ZC3H4: variants seen among roughly 807,000 people sequenced by gnomAD.
ZC3H4 encodes zinc finger CCCH domain-containing protein 4.
In ZC3H4, 13 loss-of-function variants were observed where a neutral mutation model predicts 108.3. The observed-to-expected ratio is 0.12, with a 90% CI of 0.08 to 0.19. The LOEUF (loss-of-function observed/expected upper bound fraction) is 0.19, where lower values mean the gene tolerates loss of function less well. Among genes scored for constraint, ZC3H4 ranks in the 10% least tolerant of loss-of-function variants. The pLI, the probability that ZC3H4 is intolerant of heterozygous loss-of-function variation, is 1.00. For synonymous variants in ZC3H4, 917 were observed against 749.6 expected (o/e 1.22, Z -3.65); for missense variants, 1,734 against 1,838.8 (o/e 0.94, Z 1.04).
chr19:47,069,450 A>T, intron 13 of ZC3H4, 107 bp from the exon 14 acceptor site: 1 of 1,409,546 alleles, frequency 7.1e-7, no homozygotes, highest in South Asian at 1.4e-5. Context: ...ATGGAGAAGG[A>T]CGCACAGCCT....
chr19:47,080,744 A>C (rs985276316), intron 11 of ZC3H4, among the ~76,000 whole-genome samples: 5 of 151,554 alleles, frequency 3.3e-5, no homozygotes, highest in Admixed American at 6.6e-5. Context: ...AGCTCACTGC[A>C]ACCTCTGCCT....
intron 2 of ZC3H4, among the ~76,000 whole-genome samples, chr19:47,101,907 G>A (rs967564639): frequency 4.6e-5 from 7 of 151,412 alleles, no homozygotes; most frequent in Non-Finnish European, 7.4e-5. Context: ...GGTGGCACAC[G>A]CCTGTAGTCC....
In ZC3H4 at chr19:47,066,468, G is replaced by A. The variant is rs1362010285; in HGVS notation, c.3800C>T (p.Ser1267Leu). ...ACTGTTCCCAGCAAATGGGCTTCCT[G>A]AGCCCGTCTTGGGTGTCTGCTTCAC... ...GTVKQTPKTGSGSPFAGNSPA... is the reference protein window; with the variant it reads ...GTVKQTPKTGLGSPFAGNSPA... Residue 1267 changes from serine (S) to leucine (L), a missense_variant, in exon 15 of 15, where the codon TCA becomes TTA. Ser to Leu is a moderately radical substitution (Grantham distance 145). Around this residue, in one of 9 missense-constraint regions of ZC3H4, gnomAD observed 518 missense variants for 499.6 expected, o/e 1.04. Transcript: ENST00000253048. 1.3e-6 allele frequency: 2 copies of A among 1,582,056 alleles called. No homozygotes were observed. The highest frequency in any genetic ancestry group is 2.3e-5 in the East Asian group (1 of 44,204).
At chr19:47,073,536 C>T (rs1001011130) in intron 11 of ZC3H4, among the ~76,000 whole-genome samples, 7 of 152,334 alleles carry the variant, frequency 4.6e-5, no homozygotes, top group African/African-American at 1.7e-4. Flanking sequence ...CACACTACTG[C>T]ACTCCAGCCT....
rs551956715 is a variant in ZC3H4 at position 47,074,744 on chromosome 19, G to A, written c.1441-2031C>T. Reference sequence around the variant, plus strand: ...GCCTAGTGAAAACCCTGGGCGCTGAGCAAGTCTCCTCGCAGACAGCATGCC... The same window carrying A: ...GCCTAGTGAAAACCCTGGGCGCTGAACAAGTCTCCTCGCAGACAGCATGCC... On this transcript the variant is annotated intron_variant, in intron 11 of 14. Transcript: ENST00000253048. Among the ~76,000 whole-genome samples, 19 of 152,358 alleles carry A rather than the reference G, an allele frequency of 1.2e-4. 4 individuals carry two copies. In the South Asian group the frequency reaches 3.9e-3, roughly 32 times the overall value.
At chr19:47,093,879 A>T (rs1245196370) in intron 4 of ZC3H4, 91 bp downstream of exon 4, 2 of 1,153,976 alleles carry the variant, frequency 1.7e-6, no homozygotes, top group Non-Finnish European at 2.5e-6. Context: ...AAACTCACAA[A>T]AAATGCCCAG....
In ZC3H4 at chr19:47,071,845, G is replaced by A; in HGVS notation, c.2079C>T (p.Asn693=). The A allele has an allele frequency of 9.9e-6, 16 of 1,613,796 alleles. No homozygotes were observed. Among genetic ancestry groups the A allele is most frequent in the Non-Finnish European group, 1.4e-5 (16 of 1,179,942 alleles). Residue 693 remains asparagine, a synonymous_variant, in exon 13 of 15, where the codon AAC becomes AAT. Transcript: ENST00000253048. ...GCTGCTGGTAGAAGTTTTCATAGAAGTTCTGGGCTGGCGGGATAGGGGGCA... is the reference window on the plus strand; with the variant it reads ...GCTGCTGGTAGAAGTTTTCATAGAAATTCTGGGCTGGCGGGATAGGGGGCA... ...GMMPPIPPAQ[N]FYENFYQQQE...
At position 47,071,167 on chromosome 19, in the gene ZC3H4, T is replaced by C. The variant is rs546079077; in HGVS notation, c.2146+611A>G. On this transcript the variant is annotated intron_variant, in intron 13 of 14. Transcript: ENST00000253048. The stretch of plus-strand genomic sequence containing the variant: ...GCCAATGCTGAAAGGAGCCAACTCC[T>C]CTATCTACACGCTTGCCACCTGCTT... Among the ~76,000 whole-genome samples the C allele has an allele frequency of 2.0e-5, 3 of 147,522 alleles. No homozygotes were observed. The South Asian group carries it at 6.5e-4, about 32-fold the overall frequency.
At chr19:47,093,935 G>T (rs200531590) in intron 4 of ZC3H4, 35 bp downstream of exon 4, 8 of 1,571,040 alleles carry the variant, frequency 5.1e-6, no homozygotes, top group South Asian at 3.4e-5. Flanking sequence ...ACTCCTCCCG[G>T]CCCCAGAGCT....
At chr19:47,082,097 G>T in intron 10 of ZC3H4, 87 bp downstream of exon 10, 2 of 1,124,612 alleles carry the variant, frequency 1.8e-6, no homozygotes, top group African/African-American at 1.5e-5. Context: ...AAAGCACAGA[G>T]AAGGAAGATT....
chr19:47,092,080 CATGGT>C (rs1468034313), intron 4 of ZC3H4, among the ~76,000 whole-genome samples: 1 of 151,490 alleles, frequency 6.6e-6, no homozygotes, highest in Admixed American at 6.6e-5. Context: ...CGTTATGGCC[CATGGT>C]TCCAGCTACT....
intron 11 of ZC3H4, among the ~76,000 whole-genome samples, chr19:47,073,810 G>A (rs2057371524): frequency 6.6e-6 from 1 of 152,200 alleles, no homozygotes; most frequent in African/African-American, 2.4e-5. Flanking sequence ...TGCGCTGTGT[G>A]CGATGGGCGC....
In ZC3H4 at chr19:47,085,385, G is replaced by A. The variant is rs556258917; in HGVS notation, c.900C>T (p.Asp300=). The A allele has an allele frequency of 2.9e-5, 47 of 1,600,268 alleles. No homozygotes were observed. In the South Asian group the frequency reaches 4.1e-4, roughly 14 times the overall value. The change falls in exon 7 of 15, where the codon GAC becomes GAT. Residue 300 remains aspartate (D), a synonymous_variant. Coordinates refer to ENST00000253048, the MANE Select transcript of ZC3H4 (RefSeq NM_015168.2). ...CCTTGGAGTACTCGTCATAGTCGTC[G>A]TCTCCCATTGGCTCCTCACTCTCTC... ...DYGESEEPMG[D]DDYDEYSKEL...
rs771194152 is a variant in ZC3H4, at chr19:47,085,126, C to A, written c.1037G>T (p.Gly346Val). 1.6e-5 allele frequency: 26 copies of A among 1,614,106 alleles called. No homozygotes were observed. In the African/African-American group the frequency reaches 2.5e-4, roughly 16 times the overall value. Residue 346 changes from glycine (G) to valine (V), a missense_variant, in exon 8 of 15, where the codon GGT becomes GTT. Gly to Val is a moderately radical substitution (Grantham distance 109, BLOSUM62 -3). Transcript: ENST00000253048. ...GKGMGRGRGR[G>V]GSRGGMNKGG... The stretch of plus-strand genomic sequence containing the variant: ...CTTGTTCATCCCTCCTCGGCTGCCA[C>A]CTCGGCCTCGGCCCCGACCCATTCC...
In ZC3H4 at chr19:47,072,471, C is replaced by A. The variant is rs1386716308; in HGVS notation, c.1683G>T (p.Val561=). ...PPGPPQMPMP[V]HEPLSPQQLQ... ...GCTGCTGCGGGGACAGTGGCTCATG[C>A]ACCGGCATGGGCATCTGAGGGGGCC... The change falls in exon 12 of 15, where the codon GTG becomes GTT. Residue 561 remains valine (V), a synonymous_variant. Transcript: ENST00000253048. This position sits in a 1 kb window ranked among gnomAD's most constrained non-coding sequence, Gnocchi z 5.6. 1.3e-6 allele frequency: 2 copies of A among 1,578,310 alleles called. No homozygotes were observed. Among genetic ancestry groups the A allele is most frequent in the Admixed American group, 1.7e-5 (1 of 57,284 alleles).
In ZC3H4 at chr19:47,067,228, G is replaced by A. The variant is rs768082105; in HGVS notation, c.3040C>T (p.Arg1014Cys). ...SMPTLDPRLH[R>C]AATAGPPNAR... Reference sequence around the variant, plus strand: ...TTGGGGGGCCCTGCCGTGGCAGCGCGGTGCAGCCGGGGGTCCAGGGTGGGC... The same window carrying A: ...TTGGGGGGCCCTGCCGTGGCAGCGCAGTGCAGCCGGGGGTCCAGGGTGGGC... The change falls in exon 15 of 15, where the codon CGC becomes TGC. Residue 1014 changes from arginine to cysteine, a missense_variant. Physicochemically the swap from Arg to Cys is radical, Grantham distance 180. Transcript: ENST00000253048. The surrounding 1 kb of genome is among the most constrained non-coding windows in gnomAD (Gnocchi z 6.4). 127 of 1,606,310 alleles carry A rather than the reference G, an allele frequency of 7.9e-5. No individual in the cohort carries two copies. The highest frequency in any genetic ancestry group is 9.0e-5 in the Non-Finnish European group (106 of 1,176,638).
Position 47,089,950 on chromosome 19 carries a change from G to C in ZC3H4, c.715+17C>G, listed in dbSNP as rs753882691. On this transcript the variant is annotated intron_variant, in intron 5 of 14. Coordinates refer to ENST00000253048, the MANE Select transcript of ZC3H4 (RefSeq NM_015168.2). Reference sequence around the variant, plus strand: ...GCTCCGATGCCCCAGAGGAGAAACTGTAAGGGCAGGGCTCACCTCGGCCGC... The same window carrying C: ...GCTCCGATGCCCCAGAGGAGAAACTCTAAGGGCAGGGCTCACCTCGGCCGC... The C allele has an allele frequency of 1.2e-6, 2 of 1,613,604 alleles. No homozygotes were observed. Among genetic ancestry groups the C allele is most frequent in the Middle Eastern group, 3.3e-4 (2 of 6,036 alleles).
chr19:47,081,713 T>C, intron 10 of ZC3H4, 91 bp from the exon 11 acceptor site: 1 of 1,148,198 alleles, frequency 8.7e-7, no homozygotes, highest in East Asian at 2.4e-5. Context: ...CCCTTTGTTT[T>C]GGAGATAAGA....
intron 2 of ZC3H4, chr19:47,112,022 C>G (rs1262906405): frequency 5.9e-6 from 4 of 674,054 alleles, no homozygotes; most frequent in Non-Finnish European, 7.3e-6. Context: ...GGCAAGCGGG[C>G]CCGTAGCTGC....
Sources: allele counts gnomAD v4.1 joint callset (sites outside exome capture counted in the v4.1 genomes callset), GRCh38; gene constraint gnomAD v4.1.1; regional missense constraint gnomAD v4.1.1; non-coding constraint Gnocchi (gnomAD v3.1); transcripts MANE v1.5; gene names NCBI Gene and HGNC (gene_info 2026-07-23, HGNC 2026-07-21).